Variants in SPPL3 observed in about 807,000 individuals in gnomAD.
SPPL3 encodes signal peptide peptidase like 3, also known as signal peptide peptidase-like 3.
A neutral mutation model predicts 42.4 loss-of-function variants in SPPL3; 5 were observed. The observed-to-expected ratio is 0.12, with a 90% CI of 0.06 to 0.25. The LOEUF is 0.25. Among genes scored for constraint, SPPL3 ranks in the 10% least tolerant of loss-of-function variants. SPPL3 has a pLI of 1.00. For missense variants in SPPL3, 235 were observed against 489.0 expected (o/e 0.48, Z 4.90); for synonymous variants, 195 against 181.8 (o/e 1.07, Z -0.58).
chr12:120,778,128 T>C (rs909594960), intron 6 of SPPL3, among the ~76,000 whole-genome samples: 1 of 143,146 alleles, frequency 7.0e-6, no homozygotes, highest in Non-Finnish European at 1.5e-5. Context: ...TTTTTTTTTT[T>C]TTTTTTGAGA....
At chr12:120,802,107 A>G (rs2136994320) in intron 2 of SPPL3, among the ~76,000 whole-genome samples, 1 of 152,116 alleles carries the variant, frequency 6.6e-6, no homozygotes, top group African/African-American at 2.4e-5. Context: ...TCAACTACTC[A>G]TTTCTTTATG....
intron 1 of SPPL3, among the ~76,000 whole-genome samples, chr12:120,850,499 AAAAAAAAAAAAAAAC>A (rs1024551976): frequency 2.6e-4 from 40 of 151,014 alleles, no homozygotes; most frequent in African/African-American, 9.5e-4. Context: ...CTTTAAAAAA[AAAAAAAAAAAAAAAC>A]AAAAGCCAAA....
intron 1 of SPPL3, among the ~76,000 whole-genome samples, chr12:120,846,748 G>GA (rs1415287486): frequency 1.3e-5 from 2 of 152,208 alleles, no homozygotes; most frequent in Non-Finnish European, 2.9e-5. Context: ...AAATGGAATA[G>GA]AAGTAGTCAT....
intron 2 of SPPL3, among the ~76,000 whole-genome samples, chr12:120,801,795 C>G (rs1361629703): frequency 6.6e-6 from 1 of 152,178 alleles, no homozygotes. Flanking sequence ...TAGCCTTGAA[C>G]TGGGTAAGGT....
At chr12:120,838,751 C>T (rs1017705999) in intron 1 of SPPL3, among the ~76,000 whole-genome samples, 7 of 152,156 alleles carry the variant, frequency 4.6e-5, no homozygotes, top group African/African-American at 1.7e-4. Context: ...CTCAAAAAAC[C>T]TCATGAGCTT....
At chr12:120,830,606 A>AGAG (rs377406347) in intron 1 of SPPL3, among the ~76,000 whole-genome samples, 22 of 124,636 alleles carry the variant, frequency 1.8e-4, no homozygotes, top group South Asian at 5.6e-4. Flanking sequence ...AGAGAGAGAG[A>AGAG]AGGTGTACAT....
intron 2 of SPPL3, among the ~76,000 whole-genome samples, chr12:120,806,193 G>A (rs1417728105): frequency 8.3e-6 from 1 of 120,984 alleles, no homozygotes; most frequent in Non-Finnish European, 1.7e-5. Flanking sequence ...TACTTTTATG[G>A]TCGATTTTTT....
intron 2 of SPPL3, among the ~76,000 whole-genome samples, chr12:120,794,391 G>A (rs1870030655): frequency 6.6e-6 from 1 of 151,750 alleles, no homozygotes. Flanking sequence ...CACAATTGCT[G>A]TTTTATTTTT....
Position 120,768,992 on chromosome 12 carries a change from G to A in SPPL3, c.570C>T (p.Cys190=), listed in dbSNP as rs771724311. 2.5e-6 allele frequency: 4 copies of A among 1,612,662 alleles called. No individual in the cohort carries two copies. The Admixed American group carries it at 6.7e-5, about 27-fold the overall frequency. ...FVRLPSLKVS[C]LLLSGLLIYD... ...AGATGAGAAGCCCTGAGAGAAGCAG[G>A]CAGGAGACCTTGAGGCTCGGCAGGC... The change falls in exon 7 of 11, where the codon TGC becomes TGT. Residue 190 remains cysteine (C), a synonymous_variant. Coordinates refer to ENST00000353487, the MANE Select transcript of SPPL3 (RefSeq NM_139015.5).
rs548744729 is a variant in SPPL3, at chr12:120,860,807, A to G, written c.23+43038T>C. ...AAAGAGTAAATATTTTAGGCACTGTAAGTAATATGGTCTCTGTGACAACTA... is the reference window on the plus strand; with the variant it reads ...AAAGAGTAAATATTTTAGGCACTGTGAGTAATATGGTCTCTGTGACAACTA... On this transcript the variant is annotated intron_variant, in intron 1 of 10. Coordinates refer to ENST00000353487, the MANE Select transcript of SPPL3 (RefSeq NM_139015.5). Among the ~76,000 whole-genome samples the G allele has an allele frequency of 1.0e-3, 157 of 152,254 alleles. 1 individual carries two copies. The highest frequency in any genetic ancestry group is 3.5e-3 in the African/African-American group (144 of 41,576).
At chr12:120,819,888 T>C (rs1354569775) in intron 1 of SPPL3, among the ~76,000 whole-genome samples, 1 of 152,204 alleles carries the variant, frequency 6.6e-6, no homozygotes, top group Non-Finnish European at 1.5e-5. Flanking sequence ...CTGGTGCCAC[T>C]GCCTTGATTC....
chr12:120,767,668 TAGCTTTTTA>T, intron 8 of SPPL3, 75 bp from the exon 9 acceptor site: 4 of 1,511,024 alleles, frequency 2.6e-6, no homozygotes, highest in Non-Finnish European at 3.6e-6. Context: ...CAAAGTTTGT[TAGCTTTTTA>T]AGGAGTCAAA....
intron 1 of SPPL3, among the ~76,000 whole-genome samples, chr12:120,875,784 C>T (rs921812406): frequency 2.0e-5 from 3 of 151,952 alleles, no homozygotes; most frequent in Non-Finnish European, 4.4e-5. Flanking sequence ...GTAAATGATA[C>T]ACCTAGTCTA....
At chr12:120,882,806 T>C (rs369065568) in intron 1 of SPPL3, among the ~76,000 whole-genome samples, 8 of 152,202 alleles carry the variant, frequency 5.3e-5, no homozygotes, top group Non-Finnish European at 1.0e-4. Context: ...AGGCGAAAGA[T>C]TGCTTGAGGC....
intron 1 of SPPL3, among the ~76,000 whole-genome samples, chr12:120,833,599 G>A (rs1431357107): frequency 1.3e-5 from 2 of 148,588 alleles, no homozygotes; most frequent in Non-Finnish European, 3.0e-5. Flanking sequence ...GGAAGCTGAA[G>A]TGGGAGGATC....
At chr12:120,890,460 G>C (rs1156578010) in intron 1 of SPPL3, among the ~76,000 whole-genome samples, 3 of 151,076 alleles carry the variant, frequency 2.0e-5, no homozygotes, top group Non-Finnish European at 2.9e-5. Context: ...GTGGTGGCAG[G>C]CGCCTATAGT....
intron 1 of SPPL3, among the ~76,000 whole-genome samples, chr12:120,822,134 T>C (rs1452235185): frequency 1.3e-5 from 2 of 152,112 alleles, no homozygotes; most frequent in African/African-American, 2.4e-5. Flanking sequence ...ATACAGAGTT[T>C]CTGTTTGGGA....
In SPPL3 at chr12:120,840,277, C is replaced by CAA. The variant is rs533134400; in HGVS notation, c.24-29393_24-29392dup. Among the ~76,000 whole-genome samples, 358 of 44,166 alleles carry CAA rather than the reference C, an allele frequency of 8.1e-3. 49 individuals are homozygous for CAA. The highest frequency in any genetic ancestry group is 0.013 in the East Asian group (17 of 1,320). The allele number at this position is 44,166 out of a possible 152,430, so 29.0% of individuals were successfully genotyped here. ...TGAGCGACAGAGTGAGACTCTGTCT[C>CAA]AAAAAAAAAAAAAAAAAAAAAAAAA... On this transcript the variant is annotated intron_variant, in intron 1 of 10. Coordinates refer to ENST00000353487, the MANE Select transcript of SPPL3 (RefSeq NM_139015.5).
intron 1 of SPPL3, among the ~76,000 whole-genome samples, chr12:120,849,795 T>C (rs1324724046): frequency 6.6e-6 from 1 of 152,190 alleles, no homozygotes; most frequent in Non-Finnish European, 1.5e-5. Flanking sequence ...TTCTCACACA[T>C]ACCCTCCCCC....
Sources: allele counts gnomAD v4.1 joint callset (sites outside exome capture counted in the v4.1 genomes callset), GRCh38; gene constraint gnomAD v4.1.1; transcripts MANE v1.5; gene names NCBI Gene and HGNC (gene_info 2026-07-23, HGNC 2026-07-21).